The following PARN variants were observed in gnomAD, a reference collection of about 807,000 sequenced individuals.
PARN encodes the protein poly(A)-specific ribonuclease PARN.
PARN carries 71 observed loss-of-function variants against 102.8 expected under a neutral mutation model. That is an observed-to-expected ratio of 0.69 (90% CI 0.57 to 0.84). The LOEUF (loss-of-function observed/expected upper bound fraction) is 0.84. PARN is among the 40% of genes least tolerant of loss of function. PARN has a pLI of 0.00. For synonymous variants in PARN, 261 were observed against 252.9 expected, an observed-to-expected ratio of 1.03 and a Z score of -0.30; for missense variants, 782 against 760.9, an observed-to-expected ratio of 1.03 and a Z score of -0.33.
At chr16:14,479,619 C>T (rs1963268003) in intron 22 of PARN, among the ~76,000 whole-genome samples, 1 of 151,866 alleles carries the variant, frequency 6.6e-6, no homozygotes, top group African/African-American at 2.4e-5. Context: ...TTTTAAGACA[C>T]TATAAACCAA....
intron 23 of PARN, among the ~76,000 whole-genome samples, chr16:14,439,800 G>T (rs1252691440): frequency 6.6e-6 from 1 of 152,194 alleles, no homozygotes; most frequent in South Asian, 2.1e-4. Flanking sequence ...TGGATCACGA[G>T]GTCAGGGGTT....
intron 21 of PARN, among the ~76,000 whole-genome samples, chr16:14,543,460 T>A (rs1966853698): frequency 6.6e-6 from 1 of 152,158 alleles, no homozygotes; most frequent in Non-Finnish European, 1.5e-5. Context: ...GAGTTTAAAG[T>A]AAAATTGTAA....
At chr16:14,534,396 A>G (rs1596601661) in intron 21 of PARN, among the ~76,000 whole-genome samples, 2 of 152,332 alleles carry the variant, frequency 1.3e-5, no homozygotes, top group Non-Finnish European at 2.9e-5. Context: ...TCAGTAAGAA[A>G]TAAGAGGCTT....
chr16:14,564,488 T>G (rs928908046), intron 18 of PARN, among the ~76,000 whole-genome samples: 1 of 152,072 alleles, frequency 6.6e-6, no homozygotes, highest in African/African-American at 2.4e-5. Context: ...AGCAAGCTGC[T>G]ACCTGGGCAT....
At chr16:14,470,712 GC>G in intron 22 of PARN, among the ~76,000 whole-genome samples, 1 of 152,100 alleles carries the variant, frequency 6.6e-6, no homozygotes, top group South Asian at 2.1e-4. Flanking sequence ...GCCCATCTCA[GC>G]ATTCCAAAGG....
chr16:14,475,124 G>A (rs1962969732), intron 22 of PARN, among the ~76,000 whole-genome samples: 1 of 152,188 alleles, frequency 6.6e-6, no homozygotes. Flanking sequence ...GGAAGAGACT[G>A]GCCAATGGGA....
At chr16:14,500,601 T>C (rs1964537830) in intron 21 of PARN, among the ~76,000 whole-genome samples, 1 of 152,106 alleles carries the variant, frequency 6.6e-6, no homozygotes, top group Non-Finnish European at 1.5e-5. Context: ...TTTCTTTCCC[T>C]AGAAAAAAAT....
intron 6 of PARN, among the ~76,000 whole-genome samples, chr16:14,612,388 G>A (rs537232013): frequency 6.6e-6 from 1 of 151,894 alleles, no homozygotes; most frequent in Non-Finnish European, 1.5e-5. Flanking sequence ...AGTGAGCCGA[G>A]ATCGTGCCAC....
At chr16:14,487,821 G>C (rs1173370065) in intron 21 of PARN, among the ~76,000 whole-genome samples, 1 of 152,176 alleles carries the variant, frequency 6.6e-6, no homozygotes, top group Non-Finnish European at 1.5e-5. Context: ...TTGCAGTGCT[G>C]ATTACATTAC....
At chr16:14,621,802 G>A (rs1198247681) in intron 5 of PARN, among the ~76,000 whole-genome samples, 8 of 134,564 alleles carry the variant, frequency 5.9e-5, no homozygotes, top group Non-Finnish European at 6.3e-5. Flanking sequence ...CAGGGGCTTC[G>A]TCTCAAAAAA....
intron 6 of PARN, among the ~76,000 whole-genome samples, chr16:14,616,336 C>T (rs1403062143): frequency 2.0e-5 from 3 of 152,162 alleles, no homozygotes; most frequent in Admixed American, 6.5e-5. Flanking sequence ...AGACACAATC[C>T]CTTCCTCAGG....
intron 23 of PARN, among the ~76,000 whole-genome samples, chr16:14,445,800 G>C (rs747647837): frequency 5.9e-5 from 9 of 152,218 alleles, no homozygotes; most frequent in Non-Finnish European, 1.3e-4. Flanking sequence ...CTGACCTCAA[G>C]TGATCCACCC....
chr16:14,451,846 A>AAAAAAAAAAAAAAAAAAAATAC, intron 22 of PARN, among the ~76,000 whole-genome samples: 1 of 78,880 alleles, frequency 1.3e-5, no homozygotes, highest in Non-Finnish European at 2.5e-5. Context: ...CCGTCTCTAA[A>AAAAAAAAAAAAAAAAAAAATAC]AAAAAAAAAA....
chr16:14,535,344 A>G (rs1966565841), intron 21 of PARN, among the ~76,000 whole-genome samples: 1 of 152,154 alleles, frequency 6.6e-6, no homozygotes, highest in African/African-American at 2.4e-5. Context: ...AGTAACATTC[A>G]CTCTGGTATT....
At chr16:14,549,649 G>A (rs1206395078) in intron 21 of PARN, among the ~76,000 whole-genome samples, 1 of 152,160 alleles carries the variant, frequency 6.6e-6, no homozygotes, top group African/African-American at 2.4e-5. Context: ...ATACACACAA[G>A]CAAGGAATCA....
Position 14,582,273 on chromosome 16 carries a change from G to T in PARN, c.1100C>A (p.Pro367Gln), listed in dbSNP as rs1292037008. 6.2e-7 allele frequency: 1 copy of T among 1,613,224 alleles called. No individual in the cohort carries two copies. The highest frequency in any genetic ancestry group is 1.7e-5 in the Admixed American group (1 of 59,998). ...TTGTTCAGAGGCTGTGTCATAACTT[G>T]GAAAACCTTCGGCACTTTCTAAGAA... The part of the protein sequence containing the change: ...PPKVESAEGF[P>Q]SYDTASEQLH... The change falls in exon 17 of 24, where the codon CCA becomes CAA. Residue 367 changes from proline (P) to glutamine (Q), a missense_variant. Pro to Gln is a moderately conservative substitution (Grantham distance 76). Coordinates refer to ENST00000437198, the MANE Select transcript of PARN (RefSeq NM_002582.4).
intron 22 of PARN, among the ~76,000 whole-genome samples, chr16:14,448,632 AC>A (rs1454753462): frequency 2.0e-5 from 3 of 152,220 alleles, no homozygotes; most frequent in Non-Finnish European, 4.4e-5. Context: ...AACTCTGGCT[AC>A]CTAAATATTC....
chr16:14,569,809 A>G (rs1258974370), intron 18 of PARN, among the ~76,000 whole-genome samples: 2 of 152,102 alleles, frequency 1.3e-5, no homozygotes, highest in Non-Finnish European at 2.9e-5. Flanking sequence ...CTGGTTACAG[A>G]GTTTCTGTTT....
intron 22 of PARN, among the ~76,000 whole-genome samples, chr16:14,450,045 C>T (rs1961380206): frequency 6.6e-6 from 1 of 152,156 alleles, no homozygotes; most frequent in Non-Finnish European, 1.5e-5. Flanking sequence ...TTGCAAAATA[C>T]TGCAAAGTAC....
Sources: gnomAD v4.1 joint callset for allele counts (sites outside exome capture counted in the v4.1 genomes callset) on GRCh38, gnomAD v4.1.1 for gene constraint, MANE v1.5 for transcripts, NCBI Gene and HGNC (gene_info 2026-07-23, HGNC 2026-07-21) for gene names.